The following NR2F1-AS1 variants were observed in gnomAD, a reference collection of about 807,000 sequenced individuals.
The protein encoded by NR2F1-AS1 is NR2F1 antisense RNA 1.
chr5:93,546,881 T>A (rs559793526), intron 4 of NR2F1-AS1, among the ~76,000 whole-genome samples: 4 of 152,302 alleles, frequency 2.6e-5, no homozygotes, highest in Admixed American at 6.5e-5. Flanking sequence ...GTTGTGTAGA[T>A]GTTGTTAATG....
chr5:93,472,693 T>G (rs1750393590), intron 4 of NR2F1-AS1, among the ~76,000 whole-genome samples: 1 of 151,828 alleles, frequency 6.6e-6, no homozygotes, highest in African/African-American at 2.4e-5. Flanking sequence ...CACAGAGTGG[T>G]ACATTTAGTA....
intron 4 of NR2F1-AS1, among the ~76,000 whole-genome samples, chr5:93,530,501 C>T (rs949467553): frequency 6.6e-6 from 1 of 152,142 alleles, no homozygotes; most frequent in Non-Finnish European, 1.5e-5. Flanking sequence ...CTTGCCAGCC[C>T]CATCAGCCTA....
intron 4 of NR2F1-AS1, among the ~76,000 whole-genome samples, chr5:93,466,083 A>G (rs185553602): frequency 1.9e-4 from 29 of 152,254 alleles, no homozygotes; most frequent in Non-Finnish European, 3.8e-4. Flanking sequence ...ATTAAAAAAA[A>G]AAAGATTGTT....
At chr5:93,431,606 T>C (rs1243590532) in intron 4 of NR2F1-AS1, among the ~76,000 whole-genome samples, 1 of 152,204 alleles carries the variant, frequency 6.6e-6, no homozygotes, top group African/African-American at 2.4e-5. Context: ...ATGCAACCCA[T>C]ATTTTCAAGT....
intron 4 of NR2F1-AS1, among the ~76,000 whole-genome samples, chr5:93,447,712 C>T (rs1027831646): frequency 2.0e-5 from 3 of 152,144 alleles, no homozygotes; most frequent in African/African-American, 7.2e-5. Context: ...TGGGTATATA[C>T]CCAAAGATTA....
upstream of NR2F1-AS1, chr5:93,585,216 G>A (rs201452963): frequency 1.9e-6 from 3 of 1,544,336 alleles, no homozygotes; most frequent in African/African-American, 1.4e-5. Flanking sequence ...CGCCACCCCC[G>A]GCACGGCGGG....
At chr5:93,437,530 T>A (rs952429749) in intron 4 of NR2F1-AS1, among the ~76,000 whole-genome samples, 1 of 152,144 alleles carries the variant, frequency 6.6e-6, no homozygotes, top group Non-Finnish European at 1.5e-5. Flanking sequence ...CAGGCAAAAG[T>A]CACAGTTATA....
At chr5:93,585,326 C>T (rs369615420), upstream of NR2F1-AS1, 2 of 1,613,250 alleles carry the variant, frequency 1.2e-6, no homozygotes, top group South Asian at 1.1e-5. Flanking sequence ...ACGGCCAATT[C>T]ACCTGCGAGG....
At chr5:93,464,930 A>G (rs1750193369) in intron 4 of NR2F1-AS1, among the ~76,000 whole-genome samples, 1 of 152,238 alleles carries the variant, frequency 6.6e-6, no homozygotes, top group South Asian at 2.1e-4. Flanking sequence ...ACAGACCTTC[A>G]GTAGTATCAT....
intron 4 of NR2F1-AS1, among the ~76,000 whole-genome samples, chr5:93,451,271 G>A (rs1041686028): frequency 1.4e-5 from 2 of 148,016 alleles, no homozygotes; most frequent in Admixed American, 1.4e-4. Flanking sequence ...AGAGCCATAT[G>A]GAAAATACTA....
At chr5:93,462,602 CA>C (rs1206069926) in intron 4 of NR2F1-AS1, among the ~76,000 whole-genome samples, 2 of 151,802 alleles carry the variant, frequency 1.3e-5, no homozygotes, top group Non-Finnish European at 1.5e-5. Flanking sequence ...CAAGAGAAGA[CA>C]AAAAAATGTG....
intron 4 of NR2F1-AS1, among the ~76,000 whole-genome samples, chr5:93,422,711 G>A (rs1056732965): frequency 2.6e-5 from 4 of 152,122 alleles, no homozygotes; most frequent in African/African-American, 9.7e-5. Context: ...TTTTAAATGT[G>A]TCCCCTACCT....
At chr5:93,445,345 T>TA (rs1283586618) in intron 4 of NR2F1-AS1, among the ~76,000 whole-genome samples, 2 of 151,880 alleles carry the variant, frequency 1.3e-5, no homozygotes, top group African/African-American at 4.8e-5. Context: ...ATAGACACAA[T>TA]AAAAAATTAT....
At chr5:93,582,299 A>T (rs374052881), upstream of NR2F1-AS1, among the ~76,000 whole-genome samples, 1 of 151,644 alleles carries the variant, frequency 6.6e-6, no homozygotes, top group Admixed American at 6.6e-5. Flanking sequence ...AGAAGGAAAA[A>T]TTGGATTGAT....
intron 4 of NR2F1-AS1, among the ~76,000 whole-genome samples, chr5:93,481,442 T>G (rs961321042): frequency 6.6e-6 from 1 of 152,032 alleles, no homozygotes; most frequent in African/African-American, 2.4e-5. Flanking sequence ...AGGATAATAA[T>G]TGGAAACTCT....
intron 4 of NR2F1-AS1, among the ~76,000 whole-genome samples, chr5:93,416,499 A>G (rs1748970173): frequency 6.6e-6 from 1 of 152,224 alleles, no homozygotes; most frequent in African/African-American, 2.4e-5. Context: ...ATGAATGAAA[A>G]GTCTAAAGTA....
intron 4 of NR2F1-AS1, among the ~76,000 whole-genome samples, chr5:93,491,398 G>A (rs1384095608): frequency 1.3e-5 from 2 of 151,980 alleles, no homozygotes; most frequent in Non-Finnish European, 2.9e-5. Flanking sequence ...TGGTGGTGGT[G>A]ATGGCCGTGG....
chr5:93,530,582 A>G (rs1017443785), intron 4 of NR2F1-AS1, among the ~76,000 whole-genome samples: 1 of 152,200 alleles, frequency 6.6e-6, no homozygotes, highest in Non-Finnish European at 1.5e-5. Context: ...TTGAGTGGCA[A>G]AGAGAAACAG....
intron 4 of NR2F1-AS1, among the ~76,000 whole-genome samples, chr5:93,441,920 T>A (rs1749578624): frequency 6.6e-6 from 1 of 152,222 alleles, no homozygotes; most frequent in Non-Finnish European, 1.5e-5. Context: ...AAATAAAGTT[T>A]CATTGGAATA....
Sources: allele counts gnomAD v4.1 joint callset (sites outside exome capture counted in the v4.1 genomes callset), GRCh38; gene constraint gnomAD v4.1.1; transcripts MANE v1.5; gene names NCBI Gene and HGNC (gene_info 2026-07-23, HGNC 2026-07-21).